The following TNNI3K variants were observed in gnomAD, a reference collection of about 807,000 sequenced individuals.
TNNI3K encodes the protein serine/threonine-protein kinase TNNI3K.
TNNI3K carries 140 observed loss-of-function variants against 114.5 expected under a neutral mutation model. The ratio of observed to expected loss-of-function variants is 1.22; its 90% confidence interval spans 1.07 to 1.41. The LOEUF (loss-of-function observed/expected upper bound fraction) is 1.41, where lower values mean the gene tolerates loss of function less well. Ranked by LOEUF, TNNI3K falls within the 40% of genes most tolerant of loss-of-function variation. The pLI, the probability that TNNI3K is intolerant of heterozygous loss-of-function variation, is 0.00. For missense variants in TNNI3K, 1,125 were observed against 1,007.6 expected, an observed-to-expected ratio of 1.12 and a Z score of -1.58; for synonymous variants, 347 against 347.5, an observed-to-expected ratio of 1.00 and a Z score of 0.02.
chr1:74,273,860 TAATTA>T lies in TNNI3K; in HGVS notation c.444+2158_444+2162del, dbSNP rs1255049737. On this transcript the variant is annotated intron_variant, in intron 5 of 24. Coordinates refer to ENST00000326637, the MANE Select transcript of TNNI3K (RefSeq NM_015978.3). ...TTTATTCTCTTCTTATATGGGGGAC[TAATTA>T]AATTATTGATCAAATAATAAAGAAA... Among the ~76,000 whole-genome samples the T allele has an allele frequency of 3.9e-5, 6 of 152,066 alleles. No homozygotes were observed. In the East Asian group the frequency reaches 1.2e-3, roughly 29 times the overall value.
chr1:74,479,141 C>G (rs1434198902), intron 21 of TNNI3K, among the ~76,000 whole-genome samples: 1 of 152,158 alleles, frequency 6.6e-6, no homozygotes, highest in African/African-American at 2.4e-5. Flanking sequence ...TTGTTGGTCT[C>G]TGGTCTCTCT....
chr1:74,407,012 G>A (rs1036132850), intron 17 of TNNI3K, among the ~76,000 whole-genome samples: 1 of 152,110 alleles, frequency 6.6e-6, no homozygotes, highest in African/African-American at 2.4e-5. Flanking sequence ...TCCCATCCAA[G>A]CCTTCCAACA....
At chr1:74,499,718 G>C (rs1251265369) in intron 23 of TNNI3K, among the ~76,000 whole-genome samples, 1 of 152,118 alleles carries the variant, frequency 6.6e-6, no homozygotes, top group East Asian at 1.9e-4. Context: ...AGATATTTAA[G>C]CCTATAGGTC....
intron 17 of TNNI3K, among the ~76,000 whole-genome samples, chr1:74,376,423 A>G (rs1180359850): frequency 6.6e-6 from 1 of 151,990 alleles, no homozygotes; most frequent in Non-Finnish European, 1.5e-5. Flanking sequence ...AGAATTCTGC[A>G]TCCATTGGCA....
intron 5 of TNNI3K, among the ~76,000 whole-genome samples, chr1:74,328,420 A>G (rs1660028515): frequency 6.6e-6 from 1 of 152,240 alleles, no homozygotes; most frequent in East Asian, 1.9e-4. Flanking sequence ...GTGACGGACA[A>G]TATACCATAT....
chr1:74,296,942 T>C (rs945086788), intron 5 of TNNI3K, among the ~76,000 whole-genome samples: 21 of 152,328 alleles, frequency 1.4e-4, no homozygotes, highest in Admixed American at 1.4e-3. Flanking sequence ...GTAGTATTAA[T>C]TGAATATGTG....
At position 74,479,051 on chromosome 1, in the gene TNNI3K, A is replaced by C. The variant is rs548358035; in HGVS notation, c.2122-10138A>C. On this transcript the variant is annotated intron_variant, in intron 21 of 24. Coordinates refer to ENST00000326637, the MANE Select transcript of TNNI3K (RefSeq NM_015978.3). ...TGTAATTGTCAGGAAGTAAAAATAC[A>C]ATCAATTAATTCACTAGATAACTGT... Among the ~76,000 whole-genome samples, 8 of 152,334 alleles carry C rather than the reference A, an allele frequency of 5.3e-5. No individual in the cohort carries two copies. In the East Asian group the frequency reaches 1.5e-3, roughly 29 times the overall value.
rs202081102 is a variant in TNNI3K, at chr1:74,492,087, C to A, written c.2182-10C>A. ...TATTAAACAATTGAAATTGCCCCTC[C>A]TCCACTCAGCTGATGTCTCCTGCAT... On this transcript the variant is annotated splice_polypyrimidine_tract_variant and intron_variant, in intron 22 of 24. Coordinates refer to ENST00000326637, the MANE Select transcript of TNNI3K (RefSeq NM_015978.3). 2.6e-6 allele frequency: 4 copies of A among 1,520,342 alleles called. No individual in the cohort carries two copies. The highest frequency in any genetic ancestry group is 3.6e-6 in the Non-Finnish European group (4 of 1,120,446). The allele number at this position is 1,520,342 out of a possible 1,614,324, so 94.2% of individuals were successfully genotyped here.
In TNNI3K at chr1:74,436,665, AT is replaced by A. The variant is rs1315280177; in HGVS notation, c.1878+144del. On this transcript the variant is annotated intron_variant, in intron 19 of 24. Coordinates refer to ENST00000326637, the MANE Select transcript of TNNI3K (RefSeq NM_015978.3). ...TGTTGGGATAATGGCTTATGTCTTTATTTTTAGTAAGCTGTCAAAATAACTA... is the reference window on the plus strand; with the variant it reads ...TGTTGGGATAATGGCTTATGTCTTTATTTTAGTAAGCTGTCAAAATAACTA... 4.9e-6 allele frequency: 4 copies of A among 809,126 alleles called. No individual in the cohort carries two copies. The East Asian group carries it at 9.7e-5, about 20-fold the overall frequency. The allele number at this position is 809,126 out of a possible 1,614,324, so 50.1% of individuals were successfully genotyped here.
chr1:74,309,237 G>A (rs1393943585), intron 5 of TNNI3K, among the ~76,000 whole-genome samples: 6 of 148,562 alleles, frequency 4.0e-5, no homozygotes, highest in South Asian at 2.2e-4. Flanking sequence ...GCGAGGTGGC[G>A]GGCGCCTGTA....
At chr1:74,455,099 A>G (rs1478814283) in intron 20 of TNNI3K, among the ~76,000 whole-genome samples, 3 of 152,180 alleles carry the variant, frequency 2.0e-5, no homozygotes, top group Admixed American at 6.5e-5. Flanking sequence ...CTCATAGTAT[A>G]GAGAATGAGT....
chr1:74,540,903 T>G (rs1646719136), intron 24 of TNNI3K, among the ~76,000 whole-genome samples: 1 of 152,142 alleles, frequency 6.6e-6, no homozygotes, highest in African/African-American at 2.4e-5. Flanking sequence ...TAAAGCTCTT[T>G]GAAATAATTA....
At chr1:74,527,590 G>A (rs577545173) in intron 23 of TNNI3K, among the ~76,000 whole-genome samples, 1 of 152,324 alleles carries the variant, frequency 6.6e-6, no homozygotes, top group African/African-American at 2.4e-5. Context: ...ACAGGGACAA[G>A]ATGAAGTTCC....
intron 20 of TNNI3K, among the ~76,000 whole-genome samples, chr1:74,451,062 T>C (rs45598042): frequency 6.6e-6 from 1 of 152,318 alleles, no homozygotes; most frequent in Non-Finnish European, 1.5e-5. Flanking sequence ...TGGAATATTA[T>C]GCTGCCATAA....
chr1:74,331,637 T>TA, intron 6 of TNNI3K, 89 bp downstream of exon 6: 3 of 1,143,340 alleles, frequency 2.6e-6, no homozygotes, highest in Non-Finnish European at 2.4e-6. Flanking sequence ...AGTTTATATT[T>TA]AAAATATATT....
At chr1:74,434,980 A>G (rs1021479198) in intron 17 of TNNI3K, among the ~76,000 whole-genome samples, 9 of 152,024 alleles carry the variant, frequency 5.9e-5, no homozygotes, top group Admixed American at 1.3e-4. Flanking sequence ...TGTTTTGACC[A>G]TGAAGCAAAA....
chr1:74,242,919 A>G lies in TNNI3K; in HGVS notation c.150-6540A>G, dbSNP rs543135406. On this transcript the variant is annotated intron_variant, in intron 2 of 24. Coordinates refer to ENST00000326637, the MANE Select transcript of TNNI3K (RefSeq NM_015978.3). ...TCCATCTGTAGCTCGCTATCTTTCT[A>G]TCATTTTCTCTCCCCCTTACCCTTC... Among the ~76,000 whole-genome samples, 14 of 151,810 alleles carry G rather than the reference A, an allele frequency of 9.2e-5. No individual in the cohort carries two copies. In the South Asian group the frequency reaches 2.5e-3, roughly 27 times the overall value.
intron 17 of TNNI3K, among the ~76,000 whole-genome samples, chr1:74,434,639 AGTT>A: frequency 6.6e-6 from 1 of 151,966 alleles, no homozygotes; most frequent in South Asian, 2.1e-4. Context: ...GGTGCTGTAG[AGTT>A]CTCTGACAGG....
chr1:74,525,252 T>A (rs1355383886), intron 23 of TNNI3K, among the ~76,000 whole-genome samples: 1 of 152,226 alleles, frequency 6.6e-6, no homozygotes, highest in African/African-American at 2.4e-5. Flanking sequence ...GAGCACCTCC[T>A]GTGTGTTAGG....
Sources: gnomAD v4.1 joint callset for allele counts (sites outside exome capture counted in the v4.1 genomes callset) on GRCh38, gnomAD v4.1.1 for gene constraint, MANE v1.5 for transcripts, NCBI Gene and HGNC (gene_info 2026-07-23, HGNC 2026-07-21) for gene names.